EPHA6: variants seen among roughly 807,000 people sequenced by gnomAD.
The protein encoded by EPHA6 is EPH receptor A6, also known as ephrin type-A receptor 6.
Under a neutral mutation model 112.0 loss-of-function variants are expected in EPHA6, and 50 were observed. The ratio of observed to expected loss-of-function variants is 0.45; its 90% CI spans 0.36 to 0.56. The LOEUF (loss-of-function observed/expected upper bound fraction) is 0.56. EPHA6 is among the 20% of genes least tolerant of loss of function. The pLI is 0.00. For synonymous variants in EPHA6, 529 were observed against 490.7 expected, an observed-to-expected ratio of 1.08 and a Z score of -1.03; for missense variants, 1,280 against 1,417.4, an observed-to-expected ratio of 0.90 and a Z score of 1.56.
At chr3:97,531,779 A>G (rs963351263) in intron 10 of EPHA6, among the ~76,000 whole-genome samples, 1 of 152,082 alleles carries the variant, frequency 6.6e-6, no homozygotes, top group Non-Finnish European at 1.5e-5. Context: ...ATGCTGAAAC[A>G]TATCTCATCT....
chr3:97,695,270 T>C (rs1576304150), intron 14 of EPHA6, among the ~76,000 whole-genome samples: 2 of 152,146 alleles, frequency 1.3e-5, no homozygotes, highest in South Asian at 2.1e-4. Context: ...CCAGAACTCA[T>C]GTATGGTGGT....
chr3:97,202,106 A>C (rs2077590472), intron 3 of EPHA6, among the ~76,000 whole-genome samples: 1 of 152,106 alleles, frequency 6.6e-6, no homozygotes, highest in South Asian at 2.1e-4. Flanking sequence ...AAGGAAAATT[A>C]CTGAAAGACT....
intron 7 of EPHA6, among the ~76,000 whole-genome samples, chr3:97,475,068 T>C (rs1050056600): frequency 6.6e-6 from 1 of 152,100 alleles, no homozygotes; most frequent in South Asian, 2.1e-4. Flanking sequence ...TTACAGCACA[T>C]ACTTAATCTT....
At chr3:97,018,024 C>A (rs2044323675) in intron 3 of EPHA6, among the ~76,000 whole-genome samples, 1 of 151,006 alleles carries the variant, frequency 6.6e-6, no homozygotes. Context: ...ACATAGCCTA[C>A]CTTCAACCTC....
At chr3:97,286,360 A>G (rs1394905560) in intron 5 of EPHA6, among the ~76,000 whole-genome samples, 1 of 152,180 alleles carries the variant, frequency 6.6e-6, no homozygotes, top group Non-Finnish European at 1.5e-5. Context: ...TAGTATTTGT[A>G]TATTTTCAAG....
At chr3:97,128,247 AT>A (rs2048237655) in intron 3 of EPHA6, among the ~76,000 whole-genome samples, 1 of 152,094 alleles carries the variant, frequency 6.6e-6, no homozygotes, top group African/African-American at 2.4e-5. Context: ...TATTTTCTTT[AT>A]TCATCAGTTG....
intron 5 of EPHA6, among the ~76,000 whole-genome samples, chr3:97,323,007 G>T (rs1264447378): frequency 6.6e-6 from 1 of 151,912 alleles, no homozygotes; most frequent in African/African-American, 2.4e-5. Flanking sequence ...AGTTATTCAG[G>T]TGGATGACAA....
intron 13 of EPHA6, chr3:97,612,461 C>T (rs2093728443): frequency 5.4e-6 from 2 of 373,806 alleles, no homozygotes; most frequent in South Asian, 2.1e-5. Context: ...CAAATGACTA[C>T]CACAAGCAAA....
intron 13 of EPHA6, among the ~76,000 whole-genome samples, chr3:97,624,938 AT>A (rs1353378801): frequency 1.3e-5 from 2 of 150,780 alleles, no homozygotes; most frequent in Middle Eastern, 3.2e-3. Flanking sequence ...TCTTCTCTTC[AT>A]TTTCTTGGTC....
At chr3:97,682,859 A>T (rs367866764) in intron 14 of EPHA6, among the ~76,000 whole-genome samples, 4 of 152,162 alleles carry the variant, frequency 2.6e-5, no homozygotes, top group Non-Finnish European at 4.4e-5. Context: ...AACAAAATTC[A>T]TTCTCCCGTA....
At chr3:97,162,913 T>C (rs1046439013) in intron 3 of EPHA6, among the ~76,000 whole-genome samples, 16 of 152,194 alleles carry the variant, frequency 1.1e-4, no homozygotes, top group African/African-American at 3.6e-4. Flanking sequence ...TCAGATTATC[T>C]TGATGGCTGC....
intron 3 of EPHA6, among the ~76,000 whole-genome samples, chr3:97,213,972 T>C (rs2077953534): frequency 6.6e-6 from 1 of 151,316 alleles, no homozygotes; most frequent in Non-Finnish European, 1.5e-5. Flanking sequence ...TTTACATACA[T>C]TATCTAATCA....
chr3:96,854,882 C>A (rs915793324), intron 1 of EPHA6, among the ~76,000 whole-genome samples: 1 of 152,152 alleles, frequency 6.6e-6, no homozygotes, highest in Non-Finnish European at 1.5e-5. Flanking sequence ...TCTATTACTG[C>A]TGTAACAAAT....
intron 1 of EPHA6, among the ~76,000 whole-genome samples, chr3:96,828,330 A>G (rs541260067): frequency 1.3e-5 from 2 of 152,242 alleles, no homozygotes; most frequent in Admixed American, 1.3e-4. Context: ...CCTATCTAAC[A>G]TGACAGCATT....
intron 10 of EPHA6, among the ~76,000 whole-genome samples, chr3:97,494,477 A>G (rs970036204): frequency 1.4e-4 from 21 of 152,186 alleles, no homozygotes; most frequent in Non-Finnish European, 1.5e-5. Context: ...AGAACTAGCC[A>G]ATTTACCTTC....
intron 14 of EPHA6, among the ~76,000 whole-genome samples, chr3:97,717,092 G>A (rs1164120805): frequency 2.6e-5 from 4 of 151,854 alleles, no homozygotes; most frequent in South Asian, 2.1e-4. Context: ...TTAGCTGGGC[G>A]TGGTGGCAGG....
At chr3:97,633,146 G>A (rs1218920583) in intron 13 of EPHA6, among the ~76,000 whole-genome samples, 7 of 152,078 alleles carry the variant, frequency 4.6e-5, no homozygotes, top group Admixed American at 3.9e-4. Flanking sequence ...TGGTGTCTGA[G>A]AGAGTCTGAT....
rs530555189 is a variant in EPHA6, at chr3:97,507,906, G to A, written c.2200+23847G>A. The stretch of plus-strand genomic sequence containing the variant: ...AGCCTTGGGAGGGTGTACGTGTCCA[G>A]GAATTTATCCATTTCTTCTAGGTTT... On this transcript the variant is annotated intron_variant, in intron 10 of 17. Coordinates refer to ENST00000389672, the MANE Select transcript of EPHA6 (RefSeq NM_001080448.3). Among the ~76,000 whole-genome samples, 9 of 152,016 alleles carry A rather than the reference G, an allele frequency of 5.9e-5. No individual in the cohort carries two copies. The East Asian group carries it at 1.2e-3, about 20-fold the overall frequency.
intron 14 of EPHA6, among the ~76,000 whole-genome samples, chr3:97,668,191 G>A (rs1198906720): frequency 6.6e-6 from 1 of 152,182 alleles, no homozygotes; most frequent in African/African-American, 2.4e-5. Flanking sequence ...AAAGTATAAT[G>A]AGAGCAAATC....
Sources: gnomAD v4.1 joint callset for allele counts (sites outside exome capture counted in the v4.1 genomes callset) on GRCh38, gnomAD v4.1.1 for gene constraint, MANE v1.5 for transcripts, NCBI Gene and HGNC (gene_info 2026-07-23, HGNC 2026-07-21) for gene names.